The following GALNTL6 variants were observed in gnomAD, a reference collection of about 807,000 sequenced individuals.
GALNTL6 encodes polypeptide N-acetylgalactosaminyltransferase like 6.
GALNTL6 carries 46 observed loss-of-function variants against 73.7 expected under a neutral mutation model. The observed-to-expected ratio is 0.62, with a 90% CI of 0.49 to 0.80. The LOEUF (loss-of-function observed/expected upper bound fraction) is 0.80, where lower values mean the gene tolerates loss of function less well. GALNTL6 is among the 30% of genes least tolerant of loss of function. The probability of loss-of-function intolerance (pLI) is 0.00; values close to 1 mark genes in which losing one functional copy is unlikely to be tolerated. For missense variants in GALNTL6, 604 were observed against 755.0 expected (o/e 0.80, Z 2.34); for synonymous variants, 259 against 263.7 (o/e 0.98, Z 0.17).
intron 3 of GALNTL6, among the ~76,000 whole-genome samples, chr4:172,309,773 TAAG>T (rs1378212362): frequency 9.2e-5 from 14 of 152,102 alleles, no homozygotes; most frequent in African/African-American, 1.7e-4. Context: ...GGTAGCTGAA[TAAG>T]AAGTATAAAA....
intron 8 of GALNTL6, among the ~76,000 whole-genome samples, chr4:172,905,387 A>G (rs1746829524): frequency 6.6e-6 from 1 of 152,170 alleles, no homozygotes; most frequent in Non-Finnish European, 1.5e-5. Flanking sequence ...GAAGACCTGA[A>G]AAATCTTGTT....
chr4:172,663,951 A>AGAAG (rs1731524780), intron 5 of GALNTL6, among the ~76,000 whole-genome samples: 1 of 151,368 alleles, frequency 6.6e-6, no homozygotes, highest in Non-Finnish European at 1.5e-5. Context: ...AAAGAAAGAA[A>AGAAG]GATGACTTAC....
intron 7 of GALNTL6, among the ~76,000 whole-genome samples, chr4:172,851,417 TAC>T (rs3087059): frequency 0.59 from 88,223 of 150,786 alleles, 29,381 homozygotes; most frequent in East Asian, 0.9. Flanking sequence ...TATATATATA[TAC>T]ACACACACAC....
At position 172,181,659 on chromosome 4, in the gene GALNTL6, G is replaced by A. The variant is rs140856152; in HGVS notation, c.139-47997G>A. ...GGAAAGAGGAAGTCAAATTGCCTCA[G>A]TTTTCAGATGACATGATTGTATATT... On this transcript the variant is annotated intron_variant, in intron 2 of 12. Transcript: ENST00000506823. Among the ~76,000 whole-genome samples, 665 of 151,254 alleles carry A rather than the reference G, an allele frequency of 4.4e-3. 7 individuals carry two copies. The highest frequency in any genetic ancestry group is 0.015 in the African/African-American group (635 of 41,150).
intron 5 of GALNTL6, chr4:172,669,183 C>T (rs1731836077): frequency 6.6e-6 from 1 of 152,050 alleles, no homozygotes; most frequent in South Asian, 2.1e-4. Context: ...TTTATGAGAT[C>T]AAGATTTTAA....
intron 5 of GALNTL6, among the ~76,000 whole-genome samples, chr4:172,779,056 A>G (rs1433325981): frequency 6.6e-6 from 1 of 151,616 alleles, no homozygotes; most frequent in African/African-American, 2.4e-5. Flanking sequence ...TGTTTTCCCT[A>G]CTGAAATATG....
At chr4:172,114,688 A>G (rs1732939952) in intron 2 of GALNTL6, among the ~76,000 whole-genome samples, 1 of 152,128 alleles carries the variant, frequency 6.6e-6, no homozygotes, top group Non-Finnish European at 1.5e-5. Context: ...TTTTTAAAAG[A>G]AAAAATGAAT....
chr4:171,872,206 C>T (rs28652678), intron 2 of GALNTL6, among the ~76,000 whole-genome samples: 36,686 of 152,116 alleles, frequency 0.24, 5,470 homozygotes, highest in African/African-American at 0.42. Flanking sequence ...TGAGATCATT[C>T]ATGGCACACC....
At chr4:172,474,894 G>A (rs1318844478) in intron 5 of GALNTL6, among the ~76,000 whole-genome samples, 1 of 152,098 alleles carries the variant, frequency 6.6e-6, no homozygotes, top group Non-Finnish European at 1.5e-5. Flanking sequence ...TTACATTAAT[G>A]CAAAACTTAT....
At position 172,405,429 on chromosome 4, in the gene GALNTL6, ATATATATATATATATTTTTTTTTTTTTT is replaced by A. The variant is rs1176881447; in HGVS notation, c.553+56742_553+56769del. On this transcript the variant is annotated intron_variant, in intron 5 of 12. Coordinates refer to ENST00000506823, the MANE Select transcript of GALNTL6 (RefSeq NM_001034845.3). Reference sequence around the variant, plus strand: ...TATATATATATATATATATATATATATATATATATATATATTTTTTTTTTTTTTTTTTTTTTTCTCCTTGCATTGAAGT... The same window carrying A: ...TATATATATATATATATATATATATATTTTTTTTTCTCCTTGCATTGAAGT... 7.9e-3 allele frequency among the ~76,000 whole-genome samples: 128 copies of A among 16,258 alleles called. 4 individuals carry two copies. In the East Asian group the frequency reaches 0.083, roughly 11 times the overall value. The allele number at this position is 16,258 out of a possible 152,430, so 10.7% of individuals were successfully genotyped here.
intron 2 of GALNTL6, among the ~76,000 whole-genome samples, chr4:172,192,595 C>T (rs1735621203): frequency 6.6e-6 from 1 of 152,074 alleles, no homozygotes; most frequent in Non-Finnish European, 1.5e-5. Flanking sequence ...AGCTGCCACC[C>T]CCAGCCAAGG....
At chr4:172,514,296 T>A (rs370102) in intron 5 of GALNTL6, among the ~76,000 whole-genome samples, 4 of 152,122 alleles carry the variant, frequency 2.6e-5, no homozygotes, top group Non-Finnish European at 4.4e-5. Context: ...TTCTCAGGCC[T>A]ATGGAGTTAT....
At position 172,032,010 on chromosome 4, in the gene GALNTL6, A is replaced by G. The variant is rs115974790; in HGVS notation, c.139-197646A>G. Among the ~76,000 whole-genome samples, 981 of 152,222 alleles carry G rather than the reference A, an allele frequency of 6.4e-3. 9 individuals carry two copies. The highest frequency in any genetic ancestry group is 0.023 in the African/African-American group (945 of 41,576). ...CCAAAAGAGCATTTAAGTCAGCATT[A>G]CTTCTTTCTCAACTGATATCACCCA... On this transcript the variant is annotated intron_variant, in intron 2 of 12. Transcript: ENST00000506823.
intron 5 of GALNTL6, among the ~76,000 whole-genome samples, chr4:172,659,689 C>T (rs1275246596): frequency 6.6e-6 from 1 of 152,150 alleles, no homozygotes. Context: ...TAAGATGTTG[C>T]TGTGAAGGTT....
chr4:171,885,184 G>A (rs1244607166), intron 2 of GALNTL6, among the ~76,000 whole-genome samples: 2 of 152,138 alleles, frequency 1.3e-5, no homozygotes, highest in African/African-American at 4.8e-5. Context: ...CAAAGATTGG[G>A]AATGCTAATG....
At chr4:171,829,926 T>A (rs568227105) in intron 2 of GALNTL6, among the ~76,000 whole-genome samples, 1 of 152,180 alleles carries the variant, frequency 6.6e-6, no homozygotes, top group African/African-American at 2.4e-5. Flanking sequence ...CTAGATTATC[T>A]GCCCTAAATT....
intron 9 of GALNTL6, among the ~76,000 whole-genome samples, chr4:172,950,633 A>G (rs915065488): frequency 2.0e-5 from 3 of 152,184 alleles, no homozygotes; most frequent in Non-Finnish European, 2.9e-5. Context: ...TGAGGTACCA[A>G]TGATGGTGTC....
At chr4:172,765,543 C>CT (rs1738356741) in intron 5 of GALNTL6, among the ~76,000 whole-genome samples, 1 of 107,994 alleles carries the variant, frequency 9.3e-6, no homozygotes, top group Non-Finnish European at 1.8e-5. Flanking sequence ...TGTCCATACT[C>CT]TGAGTAGTCA....
chr4:172,094,402 G>A (rs1433365076), intron 2 of GALNTL6, among the ~76,000 whole-genome samples: 1 of 151,978 alleles, frequency 6.6e-6, no homozygotes, highest in African/African-American at 2.4e-5. Context: ...GTTCAATCAA[G>A]TACTTTCTTA....
Sources: gnomAD v4.1 joint callset for allele counts (sites outside exome capture counted in the v4.1 genomes callset) on GRCh38, gnomAD v4.1.1 for gene constraint, MANE v1.5 for transcripts, NCBI Gene and HGNC (gene_info 2026-07-23, HGNC 2026-07-21) for gene names.